Variants in IQSEC3 observed in about 807,000 individuals in gnomAD.
The protein encoded by IQSEC3 is IQ motif and SEC7 domain-containing protein 3.
IQSEC3 carries 50 observed loss-of-function variants against 105.4 expected under a neutral mutation model. The observed-to-expected ratio is 0.47, with a 90% CI of 0.38 to 0.60. The LOEUF (loss-of-function observed/expected upper bound fraction) is 0.60, where lower values mean the gene tolerates loss of function less well. Among genes scored for constraint, IQSEC3 ranks in the 20% least tolerant of loss-of-function variants. The pLI, the probability that IQSEC3 is intolerant of heterozygous loss-of-function variation, is 0.00. For synonymous variants in IQSEC3, 708 were observed against 746.0 expected (o/e 0.95, Z 0.83); for missense variants, 1,415 against 1,630.0 (o/e 0.87, Z 2.27).
At chr12:85,214 G>A (rs1178646171) in intron 1 of IQSEC3, among the ~76,000 whole-genome samples, 2 of 152,114 alleles carry the variant, frequency 1.3e-5, no homozygotes, top group Non-Finnish European at 2.9e-5. Context: ...GGTGGGTTAG[G>A]AACGCTGTGG....
At position 174,590 on chromosome 12, in the gene IQSEC3, C is replaced by G. The variant is rs1391971904; in HGVS notation, c.3115-9C>G. 1 of 1,525,292 alleles carries G rather than the reference C, an allele frequency of 6.6e-7. No individual in the cohort carries two copies. Among genetic ancestry groups the G allele is most frequent in the Non-Finnish European group, 8.8e-7 (1 of 1,141,714 alleles). The allele number at this position is 1,525,292 out of a possible 1,614,324, so 94.5% of individuals were successfully genotyped here. A position where few individuals can be genotyped will look rare whatever the true frequency, so the allele number is the denominator to read the frequency against. ...ACATTTCATGCTTCTCTGGCTGTTT[C>G]TAAACTAGGTGTCAATTCACAACAG... On this transcript the variant is annotated splice_polypyrimidine_tract_variant and intron_variant, in intron 13 of 13. Coordinates refer to ENST00000538872, the MANE Select transcript of IQSEC3 (RefSeq NM_001170738.2).
At chr12:113,604 C>T (rs1555080035) in intron 2 of IQSEC3, among the ~76,000 whole-genome samples, 1 of 152,176 alleles carries the variant, frequency 6.6e-6, no homozygotes, top group African/African-American at 2.4e-5. Context: ...ATCAATTAGG[C>T]TGCCATGAGT....
At chr12:116,113 T>C (rs1409140309) in intron 2 of IQSEC3, among the ~76,000 whole-genome samples, 1 of 152,240 alleles carries the variant, frequency 6.6e-6, no homozygotes, top group African/African-American at 2.4e-5. Context: ...TGCTACTTAC[T>C]AGGGCTTGCC....
intron 1 of IQSEC3, among the ~76,000 whole-genome samples, chr12:96,369 A>G (rs1386530563): frequency 6.6e-6 from 1 of 152,274 alleles, no homozygotes; most frequent in East Asian, 1.9e-4. Context: ...ATAGATTATA[A>G]GTTTTTCTTA....
intron 1 of IQSEC3, among the ~76,000 whole-genome samples, chr12:79,516 G>C (rs569499188): frequency 6.6e-6 from 1 of 152,022 alleles, no homozygotes; most frequent in Non-Finnish European, 1.5e-5. Context: ...CTGCAGCCTC[G>C]AACTCCTGCG....
At chr12:132,006 G>A (rs1332632718) in intron 3 of IQSEC3, among the ~76,000 whole-genome samples, 1 of 152,160 alleles carries the variant, frequency 6.6e-6, no homozygotes. Context: ...GCCTGGGGGA[G>A]GGAAAGGGAG....
chr12:161,862 CT>C, intron 7 of IQSEC3, 63 bp from the exon 8 acceptor site: 1 of 1,481,444 alleles, frequency 6.8e-7, no homozygotes. Context: ...TTCTGTCTGG[CT>C]CCAGGGCTCT....
chr12:134,698 C>T (rs1865701840), intron 3 of IQSEC3, among the ~76,000 whole-genome samples: 1 of 151,342 alleles, frequency 6.6e-6, no homozygotes. Context: ...AGTTCAGGTC[C>T]AGCCTGGCCA....
chr12:90,983 T>G (rs1183464877), intron 1 of IQSEC3, among the ~76,000 whole-genome samples: 1 of 152,096 alleles, frequency 6.6e-6, no homozygotes, highest in Non-Finnish European at 1.5e-5. Context: ...TGGGTGGGGA[T>G]GGGGCAGGTG....
intron 1 of IQSEC3, among the ~76,000 whole-genome samples, 171 bp from the exon 2 acceptor site, chr12:98,975 C>T (rs1258742353): frequency 1.3e-5 from 2 of 152,150 alleles, no homozygotes; most frequent in African/African-American, 2.4e-5. Flanking sequence ...GACAGAGCAT[C>T]GATGCTGCAC....
intron 1 of IQSEC3, among the ~76,000 whole-genome samples, chr12:87,673 G>A (rs973918655): frequency 5.3e-5 from 8 of 152,078 alleles, no homozygotes; most frequent in Admixed American, 3.3e-4. Flanking sequence ...TAGGATGAGA[G>A]ATTTGAGCAT....
chr12:96,896 G>C (rs114576981), intron 1 of IQSEC3, among the ~76,000 whole-genome samples: 1 of 151,784 alleles, frequency 6.6e-6, no homozygotes, highest in Non-Finnish European at 1.5e-5. Flanking sequence ...TTCCATAAAC[G>C]CTTCATAATT....
chr12:139,455 C>G, intron 4 of IQSEC3, 101 bp downstream of exon 4: 1 of 992,110 alleles, frequency 1.0e-6, no homozygotes, highest in South Asian at 1.8e-5. Flanking sequence ...CAGGTAACTT[C>G]CCACGTCATG....
At chr12:113,673 T>A (rs1479307546) in intron 2 of IQSEC3, among the ~76,000 whole-genome samples, 1 of 152,260 alleles carries the variant, frequency 6.6e-6, no homozygotes, top group East Asian at 1.9e-4. Context: ...CATAAGAGAC[T>A]GACATATCAT....
intron 2 of IQSEC3, among the ~76,000 whole-genome samples, chr12:112,027 A>G (rs1356586632): frequency 6.6e-6 from 1 of 152,060 alleles, no homozygotes; most frequent in Non-Finnish European, 1.5e-5. Context: ...GCTGAGTATT[A>G]TGGGTTACAA....
chr12:149,842 A>AG lies in IQSEC3; in HGVS notation c.2154-7176dup, dbSNP rs1158777602. On this transcript the variant is annotated intron_variant, in intron 5 of 13. Transcript: ENST00000538872. ...AGTGGGGGCGTGAGAGCCAGGCTGCAGGGGGGGACCATGCTGGGGAAGCGG... is the reference window on the plus strand; with the variant it reads ...AGTGGGGGCGTGAGAGCCAGGCTGCAGGGGGGGGACCATGCTGGGGAAGCGG... Among the ~76,000 whole-genome samples the AG allele has an allele frequency of 2.0e-5, 3 of 152,120 alleles. No homozygotes were observed. In the Middle Eastern group the frequency reaches 0.01, roughly 517 times the overall value.
chr12:132,424 GTGTTGACACC>G (rs1481771802), intron 3 of IQSEC3, among the ~76,000 whole-genome samples: 2 of 152,210 alleles, frequency 1.3e-5, no homozygotes, highest in African/African-American at 4.8e-5. Context: ...AGAAAAGCCT[GTGTTGACACC>G]TGCTGTCTGA....
At chr12:130,529 G>C (rs1036918658) in intron 3 of IQSEC3, among the ~76,000 whole-genome samples, 4 of 152,182 alleles carry the variant, frequency 2.6e-5, no homozygotes, top group Non-Finnish European at 4.4e-5. Flanking sequence ...TGGCACACAG[G>C]GTCTGTGGAG....
rs782714582 is a variant in IQSEC3, at chr12:157,077, C to T, written c.2206C>T (p.Arg736Cys). 43 of 1,606,506 alleles carry T rather than the reference C, an allele frequency of 2.7e-5. No individual in the cohort carries two copies. The highest frequency in any genetic ancestry group is 3.1e-5 in the Non-Finnish European group (37 of 1,176,560). Residue 736 changes from arginine (R) to cysteine (C), a missense_variant, in exon 6 of 14, where the codon CGC (arginine) becomes TGC (cysteine). Physicochemically the swap from Arg to Cys is radical, Grantham distance 180 (BLOSUM62 -3). Coordinates refer to ENST00000538872, the MANE Select transcript of IQSEC3 (RefSeq NM_001170738.2). ...FSSMELDEAL[R>C]KFQAHIRVQG... is the part of the protein sequence containing the mutation. ...CAGCATGGAGCTGGACGAGGCCCTG[C>T]GCAAGTTCCAGGCACACATCCGTGT...
Sources: gnomAD v4.1 joint callset for allele counts (sites outside exome capture counted in the v4.1 genomes callset) on GRCh38, gnomAD v4.1.1 for gene constraint, MANE v1.5 for transcripts, NCBI Gene and HGNC (gene_info 2026-07-23, HGNC 2026-07-21) for gene names.